Variants in ARHGAP42 observed in about 807,000 individuals in gnomAD.
The protein encoded by ARHGAP42 is rho GTPase-activating protein 42.
ARHGAP42 carries 63 observed loss-of-function variants against 125.0 expected under a neutral mutation model. The observed-to-expected ratio is 0.50, with a 90% CI of 0.41 to 0.62. ARHGAP42 has a LOEUF of 0.62. ARHGAP42 is among the 20% of genes least tolerant of loss of function. The probability of loss-of-function intolerance (pLI) is 0.00; values close to 1 mark genes in which losing one functional copy is unlikely to be tolerated. For synonymous variants in ARHGAP42, 339 were observed against 351.0 expected (o/e 0.97, Z 0.38); for missense variants, 766 against 1,024.2 (o/e 0.75, Z 3.44).
At chr11:100,789,677 C>T (rs985720913) in intron 2 of ARHGAP42, among the ~76,000 whole-genome samples, 1 of 152,172 alleles carries the variant, frequency 6.6e-6, no homozygotes, top group Non-Finnish European at 1.5e-5. Flanking sequence ...GCCTGTGCTC[C>T]AAATCTGCTG....
chr11:100,688,893 C>T (rs1283069513), intron 1 of ARHGAP42, among the ~76,000 whole-genome samples: 1 of 152,036 alleles, frequency 6.6e-6, no homozygotes, highest in Non-Finnish European at 1.5e-5. Context: ...GTAGAGAGAC[C>T]TTTGGGTGAT....
chr11:100,890,877 G>A (rs1292010854), intron 4 of ARHGAP42, among the ~76,000 whole-genome samples: 1 of 152,094 alleles, frequency 6.6e-6, no homozygotes, highest in Non-Finnish European at 1.5e-5. Flanking sequence ...ATGGGGGAGG[G>A]TTCTGTGTGT....
At chr11:100,775,024 T>A (rs1053051887) in intron 2 of ARHGAP42, among the ~76,000 whole-genome samples, 4 of 152,182 alleles carry the variant, frequency 2.6e-5, no homozygotes, top group Non-Finnish European at 5.9e-5. Context: ...CCTGCACTTT[T>A]TTTTTTTAGC....
At chr11:100,744,090 C>T (rs1862244644) in intron 1 of ARHGAP42, among the ~76,000 whole-genome samples, 1 of 152,190 alleles carries the variant, frequency 6.6e-6, no homozygotes, top group Admixed American at 6.5e-5. Flanking sequence ...CCTGCCTCAG[C>T]CTCCCAAGTA....
chr11:100,747,697 T>G (rs968734905), intron 1 of ARHGAP42, among the ~76,000 whole-genome samples: 1 of 152,248 alleles, frequency 6.6e-6, no homozygotes, highest in Non-Finnish European at 1.5e-5. Context: ...CTCCTTATAA[T>G]CCCGTTTACC....
At chr11:100,968,492 C>T (rs1262527253) in intron 17 of ARHGAP42, among the ~76,000 whole-genome samples, 1 of 152,048 alleles carries the variant, frequency 6.6e-6, no homozygotes, top group Non-Finnish European at 1.5e-5. Flanking sequence ...TTACATAATT[C>T]TGTTTCCTCT....
intron 1 of ARHGAP42, among the ~76,000 whole-genome samples, chr11:100,699,144 G>T (rs1295769909): frequency 1.3e-5 from 2 of 151,916 alleles, no homozygotes; most frequent in Non-Finnish European, 2.9e-5. Flanking sequence ...CTTTGGGCCC[G>T]ATTTTTACCA....
intron 22 of ARHGAP42, among the ~76,000 whole-genome samples, chr11:100,985,791 T>G (rs1269206745): frequency 6.6e-6 from 1 of 152,190 alleles, no homozygotes; most frequent in Non-Finnish European, 1.5e-5. Flanking sequence ...CTCTACACCT[T>G]CCAATCTTCA....
intron 4 of ARHGAP42, among the ~76,000 whole-genome samples, chr11:100,889,817 G>A (rs890688568): frequency 1.3e-5 from 2 of 152,130 alleles, no homozygotes; most frequent in Non-Finnish European, 2.9e-5. Flanking sequence ...TCATGGGCTC[G>A]TGCTGGTTTT....
intron 18 of ARHGAP42, among the ~76,000 whole-genome samples, chr11:100,973,653 C>G (rs957033472): frequency 6.6e-6 from 1 of 152,042 alleles, no homozygotes; most frequent in African/African-American, 2.4e-5. Flanking sequence ...TGAAATCAAA[C>G]TCTTAATTAT....
chr11:100,708,964 TTGTC>T (rs1399768705), intron 1 of ARHGAP42, among the ~76,000 whole-genome samples: 1 of 152,218 alleles, frequency 6.6e-6, no homozygotes, highest in Non-Finnish European at 1.5e-5. Flanking sequence ...TGAATATGAT[TTGTC>T]TGTCTGTCTC....
intron 3 of ARHGAP42, among the ~76,000 whole-genome samples, chr11:100,811,573 C>T (rs545769356): frequency 6.8e-4 from 101 of 148,876 alleles, no homozygotes; most frequent in African/African-American, 2.0e-3. Context: ...GGTGTGATCT[C>T]GGCTCACTTC....
At chr11:100,751,564 T>C (rs1244715475) in intron 1 of ARHGAP42, among the ~76,000 whole-genome samples, 2 of 151,574 alleles carry the variant, frequency 1.3e-5, no homozygotes, top group East Asian at 3.9e-4. Context: ...GTAGATAAAG[T>C]AGATGGGTAA....
chr11:100,751,271 G>A (rs1443925857), intron 1 of ARHGAP42, among the ~76,000 whole-genome samples: 11,405 of 123,148 alleles, frequency 0.093, 544 homozygotes, highest in East Asian at 0.24. Context: ...TATATAGTGT[G>A]TGTGTGTGTT....
intron 1 of ARHGAP42, among the ~76,000 whole-genome samples, chr11:100,744,948 C>G (rs1289623751): frequency 6.6e-6 from 1 of 152,094 alleles, no homozygotes; most frequent in African/African-American, 2.4e-5. Context: ...CGCACGTGGC[C>G]CCCGCTGCTG....
At chr11:100,981,865 T>C (rs581468) in intron 22 of ARHGAP42, among the ~76,000 whole-genome samples, 65,591 of 151,918 alleles carry the variant, frequency 0.43, 15,601 homozygotes, top group East Asian at 0.95. Flanking sequence ...GAGACAGTGT[T>C]GGAAAGAATG....
intron 2 of ARHGAP42, among the ~76,000 whole-genome samples, chr11:100,774,490 T>A (rs1351849554): frequency 1.3e-5 from 2 of 152,194 alleles, no homozygotes; most frequent in Non-Finnish European, 2.9e-5. Context: ...GCTTGAGACC[T>A]ACTGATGACA....
intron 17 of ARHGAP42, 71 bp from the exon 18 acceptor site, chr11:100,973,104 T>A: frequency 7.5e-7 from 1 of 1,341,272 alleles, no homozygotes; most frequent in South Asian, 1.6e-5. Context: ...CACCACAAAT[T>A]TGATAGAAGA....
chr11:100,907,117 C>T (rs1362275440), intron 4 of ARHGAP42, among the ~76,000 whole-genome samples: 1 of 152,188 alleles, frequency 6.6e-6, no homozygotes, highest in African/African-American at 2.4e-5. Flanking sequence ...CTAAGGGTTC[C>T]TGTGTCTCCA....
Sources: allele counts gnomAD v4.1 joint callset (sites outside exome capture counted in the v4.1 genomes callset), GRCh38; gene constraint gnomAD v4.1.1; transcripts MANE v1.5; gene names NCBI Gene and HGNC (gene_info 2026-07-23, HGNC 2026-07-21).